MICAL2: variants seen among roughly 807,000 people sequenced by gnomAD.
MICAL2 encodes the protein microtubule associated monooxygenase, calponin and LIM domain containing 2.
In MICAL2, 77 loss-of-function variants were observed where a neutral mutation model predicts 127.3. The ratio of observed to expected loss-of-function variants is 0.60; its 90% CI spans 0.50 to 0.73. The LOEUF (loss-of-function observed/expected upper bound fraction) is 0.73. Among genes scored for constraint, MICAL2 ranks in the 30% least tolerant of loss-of-function variants. The pLI is 0.00. For synonymous variants in MICAL2, 570 were observed against 551.1 expected (o/e 1.03, Z -0.48); for missense variants, 1,351 against 1,434.4 (o/e 0.94, Z 0.94).
chr11:12,211,714 C>G (rs1265016660), intron 6 of MICAL2, among the ~76,000 whole-genome samples: 1 of 152,122 alleles, frequency 6.6e-6, no homozygotes, highest in Non-Finnish European at 1.5e-5. Context: ...GTACCAAGTT[C>G]AAGAGGCCAA....
At chr11:12,180,335 G>C (rs4756789) in intron 3 of MICAL2, among the ~76,000 whole-genome samples, 2 of 126,390 alleles carry the variant, frequency 1.6e-5, no homozygotes, top group Admixed American at 1.6e-4. Flanking sequence ...TTATATACAT[G>C]TATATATGTA....
At chr11:12,195,439 A>G (rs1007131901) in intron 3 of MICAL2, among the ~76,000 whole-genome samples, 25 of 152,232 alleles carry the variant, frequency 1.6e-4, no homozygotes, top group African/African-American at 5.8e-4. Flanking sequence ...TACATGCTAA[A>G]GCAAGGAGAA....
rs76807154 is a variant in MICAL2 at position 12,276,129 on chromosome 11, C to T, written c.52C>T (p.Leu18=). The stretch of plus-strand genomic sequence containing the variant: ...GGAGGAAGCAGCTGGACAGGATGTG[C>T]TGGCTGTGCGTGTCCTGGTCACCAG... Residue 18 remains leucine, a synonymous_variant, in exon 1 of 3, where the codon CTG becomes TTG. Transcript: ENST00000529028. 5.1e-3 allele frequency: 2,033 copies of T among 399,212 alleles called. 32 individuals carry two copies. The highest frequency in any genetic ancestry group is 0.038 in the African/African-American group (1,870 of 48,742). The allele number at this position is 399,212 out of a possible 1,614,324, so 24.7% of individuals were successfully genotyped here.
intron 3 of MICAL2, among the ~76,000 whole-genome samples, chr11:12,184,948 G>A (rs992426979): frequency 5.3e-5 from 8 of 151,080 alleles, no homozygotes; most frequent in Admixed American, 1.3e-4. Flanking sequence ...GCTTCATGTA[G>A]CCTAGTGAGT....
intron 24 of MICAL2, among the ~76,000 whole-genome samples, chr11:12,257,471 G>A (rs970724975): frequency 1.4e-4 from 22 of 152,194 alleles, no homozygotes; most frequent in South Asian, 2.1e-4. Flanking sequence ...TCATCGGAAC[G>A]AATGATTATT....
chr11:12,267,572 C>G (rs1248679463), downstream of MICAL2, among the ~76,000 whole-genome samples: 1 of 152,160 alleles, frequency 6.6e-6, no homozygotes, highest in East Asian at 1.9e-4. Flanking sequence ...CCCTTCACCC[C>G]TCAACCTCCT....
At chr11:12,358,584 T>TAA (rs138103430), downstream of MICAL2, 1 of 830,128 alleles carries the variant, frequency 1.2e-6, no homozygotes, top group Non-Finnish European at 1.7e-6. Context: ...TCCCTGGAAC[T>TAA]TGTTATACCT....
chr11:12,242,487 T>TC lies in MICAL2; in HGVS notation c.2556+59dup. 3 of 1,542,816 alleles carry TC rather than the reference T, an allele frequency of 1.9e-6. No individual in the cohort carries two copies. In the South Asian group the frequency reaches 3.6e-5, roughly 18 times the overall value. On this transcript the variant is annotated intron_variant, in intron 19 of 27. Transcript: ENST00000683283. ...TCCGTGTCTGGGTGACTTCCTTTCTTCCCCTCCCTCCTCCTACCCGGGTGG... is the reference window on the plus strand; with the variant it reads ...TCCGTGTCTGGGTGACTTCCTTTCTTCCCCCTCCCTCCTCCTACCCGGGTGG...
intron 9 of MICAL2, among the ~76,000 whole-genome samples, chr11:12,221,380 C>T (rs965089462): frequency 5.3e-5 from 8 of 152,230 alleles, no homozygotes; most frequent in Non-Finnish European, 8.8e-5. Flanking sequence ...TCTCCCTCTC[C>T]CAGGATGGGA....
chr11:12,318,436 G>A (rs1027652905), intron 29 of MICAL2, among the ~76,000 whole-genome samples: 1 of 152,150 alleles, frequency 6.6e-6, no homozygotes, highest in Non-Finnish European at 1.5e-5. Flanking sequence ...GGGATGTTTT[G>A]CATTATTTTG....
At chr11:12,135,061 T>A (rs1489846832) in intron 1 of MICAL2, among the ~76,000 whole-genome samples, 2 of 152,144 alleles carry the variant, frequency 1.3e-5, no homozygotes, top group Admixed American at 6.5e-5. Context: ...AGATTGGAAT[T>A]TGGCCTGGCC....
chr11:12,360,805 G>T (rs892737991), downstream of MICAL2, among the ~76,000 whole-genome samples: 1 of 152,118 alleles, frequency 6.6e-6, no homozygotes, highest in Non-Finnish European at 1.5e-5. Flanking sequence ...GTTTTATCTG[G>T]CCAAGTTAAA....
chr11:12,359,595 T>G (rs1035441142), downstream of MICAL2, among the ~76,000 whole-genome samples: 1 of 152,220 alleles, frequency 6.6e-6, no homozygotes, highest in Non-Finnish European at 1.5e-5. Flanking sequence ...TCATGAATTT[T>G]TTTAATGACA....
In MICAL2 at chr11:12,122,472, G is replaced by A. The variant is rs148559445; in HGVS notation, c.-149+11746G>A. On this transcript the variant is annotated intron_variant, in intron 1 of 27. Transcript: ENST00000683283. ...CGTCACCCAGGCTGCAGTGTAGTGC[G>A]ATCCTGGCTCACTGCAACCTCTGCT... is the stretch of plus-strand genomic sequence containing the variant. Among the ~76,000 whole-genome samples, 515 of 152,242 alleles carry A rather than the reference G, an allele frequency of 3.4e-3. 4 individuals are homozygous for A. The highest frequency in any genetic ancestry group is 0.012 in the African/African-American group (496 of 41,536).
rs546638560 is a variant in MICAL2, at chr11:12,218,234, A to G, written c.948+1915A>G. ...CTGTGCCCATCTTTCTCTTCCCCAC[A>G]GGGAGGATGTCCCATCCCAGAGCCT... On this transcript the variant is annotated intron_variant, in intron 8 of 27. Coordinates refer to ENST00000683283, the MANE Select transcript of MICAL2 (RefSeq NM_001282663.2). Among the ~76,000 whole-genome samples, 16 of 152,236 alleles carry G rather than the reference A, an allele frequency of 1.1e-4. No homozygotes were observed. The South Asian group carries it at 2.5e-3, about 24-fold the overall frequency.
chr11:12,292,515 CAG>C (rs1266291013), downstream of MICAL2, among the ~76,000 whole-genome samples: 1 of 152,208 alleles, frequency 6.6e-6, no homozygotes, highest in Non-Finnish European at 1.5e-5. Flanking sequence ...CCTGAGGACA[CAG>C]TCATTCCCTC....
At chr11:12,294,798 C>A, downstream of MICAL2, 1 of 1,244,708 alleles carries the variant, frequency 8.0e-7, no homozygotes, top group Non-Finnish European at 1.0e-6. Context: ...CGCCAGGCAG[C>A]TCCTCCTCCT....
chr11:12,282,317 T>A (rs1341416059), intron 2 of MICAL2, among the ~76,000 whole-genome samples: 1 of 152,194 alleles, frequency 6.6e-6, no homozygotes, highest in Non-Finnish European at 1.5e-5. Context: ...TGTGCCCAGC[T>A]GGGTCCAGCC....
At chr11:12,292,409 C>T, downstream of MICAL2, 1 of 1,181,200 alleles carries the variant, frequency 8.5e-7, no homozygotes. Context: ...AACCTAAGTG[C>T]AAAGCCAGCG....
Sources: allele counts gnomAD v4.1 joint callset (sites outside exome capture counted in the v4.1 genomes callset), GRCh38; gene constraint gnomAD v4.1.1; transcripts MANE v1.5; gene names NCBI Gene and HGNC (gene_info 2026-07-23, HGNC 2026-07-21).